The following ZMYM6 variants were observed in gnomAD, a reference collection of about 807,000 sequenced individuals.
ZMYM6 encodes zinc finger MYM-type protein 6.
ZMYM6 carries 90 observed loss-of-function variants against 134.0 expected under a neutral mutation model. That is an observed-to-expected ratio of 0.67 (90% confidence interval 0.57 to 0.80). ZMYM6 has a LOEUF of 0.80. ZMYM6 is among the 30% of genes least tolerant of loss of function. ZMYM6 has a pLI of 0.00. For synonymous variants in ZMYM6, 481 were observed against 524.1 expected, an observed-to-expected ratio of 0.92 and a Z score of 1.12; for missense variants, 1,362 against 1,533.9, an observed-to-expected ratio of 0.89 and a Z score of 1.87.
intron 2 of ZMYM6, among the ~76,000 whole-genome samples, chr1:35,023,735 C>A (rs1641353923): frequency 6.6e-6 from 1 of 151,682 alleles, no homozygotes; most frequent in Non-Finnish European, 1.5e-5. Context: ...CATTCTCCTG[C>A]CTCAGCCTCC....
In ZMYM6 at chr1:35,020,321, C is replaced by G. The variant is rs999586858; in HGVS notation, c.178+62G>C. 3.5e-6 allele frequency: 5 copies of G among 1,448,848 alleles called. No homozygotes were observed. In the African/African-American group the frequency reaches 7.1e-5, roughly 21 times the overall value. The allele number at this position is 1,448,848 out of a possible 1,614,324, so 89.7% of individuals were successfully genotyped here. A position where few individuals can be genotyped will look rare whatever the true frequency, so the allele number is the denominator to read the frequency against. ...ACATACATGAAAAGATGCTTTCCCT[C>G]AATTTTAAAAGTCAGAATAAGCAAA... On this transcript the variant is annotated intron_variant, in intron 3 of 15. Coordinates refer to ENST00000357182, the MANE Select transcript of ZMYM6 (RefSeq NM_007167.4).
intron 11 of ZMYM6, among the ~76,000 whole-genome samples, chr1:35,007,511 C>A (rs1641005913): frequency 6.6e-6 from 1 of 152,040 alleles, no homozygotes; most frequent in Non-Finnish European, 1.5e-5. Context: ...TCGCTTGAAT[C>A]CAGGAGGCAG....
chr1:35,005,328 C>T, intron 12 of ZMYM6, 56 bp from the exon 13 acceptor site: 2 of 1,531,908 alleles, frequency 1.3e-6, no homozygotes, highest in Middle Eastern at 1.9e-4. Context: ...CTCTCTCATA[C>T]ACACTCACAC....
chr1:35,012,548 T>C lies in ZMYM6; in HGVS notation c.829A>G (p.Lys277Glu). The C allele has an allele frequency of 6.2e-7, 1 of 1,613,448 alleles. No homozygotes were observed. The highest frequency in any genetic ancestry group is 8.5e-7 in the Non-Finnish European group (1 of 1,179,764). ...SAQIPPYALG[K>E]SLRPSAEMIE... ...ATTTCAGCTGAGGGCCTCAATGACT[T>C]CCCCAGGGCATATGGAGGAATTTGG... is the stretch of plus-strand genomic sequence containing the variant. The change falls in exon 7 of 16, where the codon AAG becomes GAG. Residue 277 changes from lysine to glutamate, a missense_variant. Transcript: ENST00000357182.
At chr1:35,000,341 G>A (rs1640859174) in intron 14 of ZMYM6, among the ~76,000 whole-genome samples, 1 of 151,934 alleles carries the variant, frequency 6.6e-6, no homozygotes, top group African/African-American at 2.4e-5. Flanking sequence ...CTGGATTCAG[G>A]TGATTCTCCC....
At position 35,009,202 on chromosome 1, in the gene ZMYM6, G is replaced by A. The variant is rs149574086; in HGVS notation, c.1493-278C>T. On this transcript the variant is annotated intron_variant, in intron 10 of 15. Coordinates refer to ENST00000357182, the MANE Select transcript of ZMYM6 (RefSeq NM_007167.4). ...CAACCTCTGCCTCCCAGGTTCAAAC[G>A]ATTCTCCTGCCTCAGCCTCCTGAGT... Among the ~76,000 whole-genome samples the A allele has an allele frequency of 2.7e-3, 410 of 152,238 alleles. 2 individuals are homozygous for A. Among genetic ancestry groups the A allele is most frequent in the African/African-American group, 9.4e-3 (392 of 41,528 alleles).
rs567160238 is a variant in ZMYM6 at position 35,021,259 on chromosome 1, G to C, written c.94-792C>G. On this transcript the variant is annotated intron_variant, in intron 2 of 15. Coordinates refer to ENST00000357182, the MANE Select transcript of ZMYM6 (RefSeq NM_007167.4). ...AGGTTCAAGCGATTCTCCTGCCTCA[G>C]CCTCCCAAGTAGCTGGGAATACAGG... Among the ~76,000 whole-genome samples, 260 of 151,582 alleles carry C rather than the reference G, an allele frequency of 1.7e-3. 1 individual carries two copies. Among genetic ancestry groups the C allele is most frequent in the South Asian group, 8.8e-3 (42 of 4,798 alleles).
intron 2 of ZMYM6, among the ~76,000 whole-genome samples, chr1:35,023,949 T>C (rs1178650503): frequency 6.6e-6 from 1 of 152,200 alleles, no homozygotes; most frequent in South Asian, 2.1e-4. Flanking sequence ...CTTTGCCTTA[T>C]CAACTCAATT....
At chr1:35,020,114 CAT>C (rs964413747) in intron 3 of ZMYM6, among the ~76,000 whole-genome samples, 5 of 152,092 alleles carry the variant, frequency 3.3e-5, no homozygotes, top group African/African-American at 9.7e-5. Context: ...TTCTCACATA[CAT>C]ATGTTTGTAA....
At chr1:35,010,701 C>G (rs371365215) in intron 9 of ZMYM6, 57 bp downstream of exon 9, 1 of 1,538,412 alleles carries the variant, frequency 6.5e-7, no homozygotes, top group African/African-American at 1.4e-5. Context: ...ATTGAAAACA[C>G]AAAAGTGTTT....
chr1:35,004,691 CCT>C (rs1349768228), intron 13 of ZMYM6, among the ~76,000 whole-genome samples: 1 of 152,130 alleles, frequency 6.6e-6, no homozygotes, highest in Non-Finnish European at 1.5e-5. Context: ...TACCCACTCC[CCT>C]GAGGCGGGGG....
At chr1:34,999,048 G>A (rs1640835536) in intron 14 of ZMYM6, among the ~76,000 whole-genome samples, 1 of 152,182 alleles carries the variant, frequency 6.6e-6, no homozygotes, top group African/African-American at 2.4e-5. Flanking sequence ...CTCAATCCCA[G>A]AAGGTGGAGG....
At chr1:35,012,844 T>C (rs1404243669) in intron 6 of ZMYM6, 8 of 985,258 alleles carry the variant, frequency 8.1e-6, no homozygotes, top group South Asian at 4.7e-5. Flanking sequence ...ATGAATTAAA[T>C]AGTCATTACA....
chr1:35,002,696 G>A (rs541988162), intron 14 of ZMYM6, among the ~76,000 whole-genome samples: 2 of 152,258 alleles, frequency 1.3e-5, no homozygotes, highest in East Asian at 3.9e-4. Context: ...AATAGCATGA[G>A]ATATCACAGC....
chr1:35,028,010 GTCT>G (rs1405911845), intron 2 of ZMYM6, among the ~76,000 whole-genome samples: 2 of 152,012 alleles, frequency 1.3e-5, no homozygotes, highest in African/African-American at 2.4e-5. Flanking sequence ...TGACATCCCT[GTCT>G]TCTTATGATA....
chr1:35,005,419 G>A, intron 12 of ZMYM6, 147 bp from the exon 13 acceptor site: 1 of 861,490 alleles, frequency 1.2e-6, no homozygotes, highest in South Asian at 1.8e-5. Context: ...TAGGTTGGGT[G>A]ACTCTGGTCA....
Position 35,012,606 on chromosome 1 carries a change from T to C in ZMYM6, c.796-25A>G, listed in dbSNP as rs765595792. The C allele has an allele frequency of 3.1e-6, 5 of 1,609,876 alleles. No individual in the cohort carries two copies. In the African/African-American group the frequency reaches 5.4e-5, roughly 17 times the overall value. On this transcript the variant is annotated intron_variant, in intron 6 of 15. Coordinates refer to ENST00000357182, the MANE Select transcript of ZMYM6 (RefSeq NM_007167.4). ...TCTATTAAAATAAAATAACATTAGA[T>C]ACCTAGTACAAACATACATATTTAC...
chr1:34,986,632 C>G lies in ZMYM6; in HGVS notation c.*472G>C, dbSNP rs1640582254. On this transcript the variant is annotated 3_prime_UTR_variant, in exon 16 of 16. Transcript: ENST00000357182. ...GGCTGAGGCAGGAGAATTGTTTGAA[C>G]CTAGGAGGCAGAGGTTCCAGTGAGC... 1 of 152,410 alleles carries G rather than the reference C, an allele frequency of 6.6e-6. No individual in the cohort carries two copies. The highest frequency in any genetic ancestry group is 2.4e-5 in the African/African-American group (1 of 41,448). 9.4% of individuals were successfully genotyped at this position (152,410 alleles called of 1,614,324 possible).
intron 1 of ZMYM6, among the ~76,000 whole-genome samples, chr1:35,031,055 T>C (rs756600485): frequency 2.0e-5 from 3 of 152,246 alleles, no homozygotes; most frequent in African/African-American, 7.2e-5. Context: ...AAATAGTTTC[T>C]GACCCCATAA....
Sources: gnomAD v4.1 joint callset for allele counts (sites outside exome capture counted in the v4.1 genomes callset) on GRCh38, gnomAD v4.1.1 for gene constraint, MANE v1.5 for transcripts, NCBI Gene and HGNC (gene_info 2026-07-23, HGNC 2026-07-21) for gene names.